ITPR2: variants seen among roughly 807,000 people sequenced by gnomAD.
ITPR2 encodes inositol 1,4,5-trisphosphate receptor type 2.
ITPR2 carries 207 observed loss-of-function variants against 317.1 expected under a neutral mutation model. The observed-to-expected ratio is 0.65, with a 90% CI of 0.58 to 0.73. The LOEUF (loss-of-function observed/expected upper bound fraction) is 0.73, where lower values mean the gene tolerates loss of function less well. Among genes scored for constraint, ITPR2 ranks in the 30% least tolerant of loss-of-function variants. The pLI is 0.00. For missense variants in ITPR2, 2,613 were observed against 3,284.0 expected (o/e 0.80, Z 4.99); for synonymous variants, 1,156 against 1,149.1 (o/e 1.01, Z -0.12).
chr12:26,768,338 G>A (rs933257542), intron 2 of ITPR2, among the ~76,000 whole-genome samples: 7 of 146,684 alleles, frequency 4.8e-5, no homozygotes, highest in South Asian at 2.1e-4. Context: ...TGGGTGCAGC[G>A]CACCAGCATG....
chr12:26,715,985 A>T, intron 6 of ITPR2, 150 bp from the exon 7 acceptor site: 1 of 728,396 alleles, frequency 1.4e-6, no homozygotes, highest in Non-Finnish European at 2.3e-6. Flanking sequence ...ACCATCCAAA[A>T]ATAGCAATAA....
In ITPR2 at chr12:26,501,345, G is replaced by A. The variant is rs1222748676; in HGVS notation, c.5074-6085C>T. The stretch of plus-strand genomic sequence containing the variant: ...ATTTCAATACATTAATGTAACAACT[G>A]TATCTTTGTGGAGTGATATTCTGTC... On this transcript the variant is annotated intron_variant, in intron 37 of 56. Coordinates refer to ENST00000381340, the MANE Select transcript of ITPR2 (RefSeq NM_002223.4). Among the ~76,000 whole-genome samples the A allele has an allele frequency of 2.6e-5, 4 of 152,278 alleles. No homozygotes were observed. The East Asian group carries it at 7.7e-4, about 29-fold the overall frequency.
chr12:26,575,561 C>G (rs952300455), intron 34 of ITPR2, among the ~76,000 whole-genome samples: 1 of 152,060 alleles, frequency 6.6e-6, no homozygotes, highest in African/African-American at 2.4e-5. Context: ...GGAAACCTCA[C>G]TCTTCACCTA....
At chr12:26,603,790 CA>C (rs1156713614) in intron 26 of ITPR2, among the ~76,000 whole-genome samples, 1 of 152,076 alleles carries the variant, frequency 6.6e-6, no homozygotes, top group Non-Finnish European at 1.5e-5. Context: ...TCACCTTAGC[CA>C]AAGGTACTGC....
rs545915578 is a variant in ITPR2, at chr12:26,635,303, T to C, written c.2741-3244A>G. On this transcript the variant is annotated intron_variant, in intron 21 of 56. Coordinates refer to ENST00000381340, the MANE Select transcript of ITPR2 (RefSeq NM_002223.4). ...TGTAAGAGATTTAACAGAATATTGA[T>C]TGAAATTTACTTAAGTCTGCTGGTA... Among the ~76,000 whole-genome samples the C allele has an allele frequency of 2.6e-5, 4 of 152,366 alleles. No individual in the cohort carries two copies. The South Asian group carries it at 8.3e-4, about 32-fold the overall frequency.
chr12:26,673,498 T>A (rs1465200369), intron 13 of ITPR2, among the ~76,000 whole-genome samples: 1 of 151,692 alleles, frequency 6.6e-6, no homozygotes. Context: ...TCAACAACCC[T>A]TCATGCTAAA....
At chr12:26,423,178 T>C (rs555052986) in intron 49 of ITPR2, among the ~76,000 whole-genome samples, 1 of 152,192 alleles carries the variant, frequency 6.6e-6, no homozygotes, top group Admixed American at 6.5e-5. Context: ...CCACATTATA[T>C]GAAAAAGGGT....
chr12:26,426,374 C>T (rs949314269), intron 49 of ITPR2, among the ~76,000 whole-genome samples: 5 of 152,114 alleles, frequency 3.3e-5, no homozygotes, highest in African/African-American at 1.2e-4. Flanking sequence ...GTTGGTAATA[C>T]TGTAAAATCA....
At chr12:26,829,111 A>C (rs1245969716) in intron 1 of ITPR2, among the ~76,000 whole-genome samples, 8 of 152,226 alleles carry the variant, frequency 5.3e-5, no homozygotes, top group Admixed American at 2.6e-4. Context: ...TTCTGAAAGC[A>C]ACTTTCAAGT....
rs181535813 is a variant in ITPR2 at position 26,602,842 on chromosome 12, T to C, written c.3463-136A>G. 1.3e-5 allele frequency: 6 copies of C among 456,126 alleles called. No homozygotes were observed. In the East Asian group the frequency reaches 2.3e-4, roughly 17 times the overall value. The allele number at this position is 456,126 out of a possible 1,614,324, so 28.3% of individuals were successfully genotyped here. Reference sequence around the variant, plus strand: ...TTATTCAACTTAAATGTTTCTTTTGTACTTTTTTATTGCATAAAAAGTTCC... The same window carrying C: ...TTATTCAACTTAAATGTTTCTTTTGCACTTTTTTATTGCATAAAAAGTTCC... On this transcript the variant is annotated intron_variant, in intron 26 of 56. Coordinates refer to ENST00000381340, the MANE Select transcript of ITPR2 (RefSeq NM_002223.4).
At chr12:26,650,096 CTA>C (rs1346347275) in intron 21 of ITPR2, among the ~76,000 whole-genome samples, 2 of 151,914 alleles carry the variant, frequency 1.3e-5, no homozygotes, top group African/African-American at 4.8e-5. Context: ...ATTAAGGTAT[CTA>C]GAAGTCAGTG....
chr12:26,383,328 G>C (rs1188908946), intron 55 of ITPR2, among the ~76,000 whole-genome samples: 2 of 152,136 alleles, frequency 1.3e-5, no homozygotes, highest in African/African-American at 4.8e-5. Context: ...TTCCTTTACA[G>C]CAATGCAAAA....
At chr12:26,769,795 G>T (rs1252316058) in intron 2 of ITPR2, among the ~76,000 whole-genome samples, 2 of 150,238 alleles carry the variant, frequency 1.3e-5, no homozygotes, top group East Asian at 1.9e-4. Context: ...AAGACCGGAT[G>T]GGGGGAGTGG....
At position 26,336,697 on chromosome 12, in the gene ITPR2, CT is replaced by C. The variant is rs1392716204; in HGVS notation, c.*2699del. ...AAATATTATTCAGCAGAAACTGATA[CT>C]TTTGAACCAATATGAATTTGAAATA... is the stretch of plus-strand genomic sequence containing the variant. On this transcript the variant is annotated 3_prime_UTR_variant, in exon 57 of 57. Coordinates refer to ENST00000381340, the MANE Select transcript of ITPR2 (RefSeq NM_002223.4). 9 of 152,220 alleles carry C rather than the reference CT, an allele frequency of 5.9e-5. No individual in the cohort carries two copies. 9.4% of individuals were successfully genotyped at this position (152,220 alleles called of 1,614,324 possible).
chr12:26,670,712 C>T (rs1380170458), intron 13 of ITPR2, among the ~76,000 whole-genome samples: 3 of 152,082 alleles, frequency 2.0e-5, no homozygotes, highest in Admixed American at 6.6e-5. Context: ...ATGACTTTTA[C>T]GAGTTGAGAG....
intron 13 of ITPR2, among the ~76,000 whole-genome samples, chr12:26,675,407 T>C (rs1219813286): frequency 6.6e-6 from 1 of 152,138 alleles, no homozygotes; most frequent in Non-Finnish European, 1.5e-5. Context: ...GGGACATGGA[T>C]GAAATTGGAA....
chr12:26,765,147 G>A (rs918288960), intron 2 of ITPR2, among the ~76,000 whole-genome samples: 1 of 151,952 alleles, frequency 6.6e-6, no homozygotes, highest in Admixed American at 6.6e-5. Flanking sequence ...TGTATGAAAA[G>A]TCAACAAAAT....
chr12:26,592,925 C>T (rs1433477350), intron 32 of ITPR2, among the ~76,000 whole-genome samples: 1 of 152,198 alleles, frequency 6.6e-6, no homozygotes, highest in Non-Finnish European at 1.5e-5. Context: ...AACTCTCTTA[C>T]TGATGCTAAT....
chr12:26,649,818 TAGATAGACAGAC>T (rs1237633911), intron 21 of ITPR2, among the ~76,000 whole-genome samples: 1 of 132,892 alleles, frequency 7.5e-6, no homozygotes, highest in South Asian at 2.5e-4. Flanking sequence ...GATAGATAGA[TAGATAGACAGAC>T]AGACAGATAG....
Sources: gnomAD v4.1 joint callset for allele counts (sites outside exome capture counted in the v4.1 genomes callset) on GRCh38, gnomAD v4.1.1 for gene constraint, MANE v1.5 for transcripts, NCBI Gene and HGNC (gene_info 2026-07-23, HGNC 2026-07-21) for gene names.